Variants in ERI1 observed in about 807,000 individuals in gnomAD.
ERI1 encodes the protein 3'-5' exoribonuclease 1.
Under a neutral mutation model 39.7 loss-of-function variants are expected in ERI1, and 39 were observed. That is an observed-to-expected ratio of 0.98 (90% CI 0.76 to 1.28). The LOEUF (loss-of-function observed/expected upper bound fraction) is 1.28, where lower values mean the gene tolerates loss of function less well. Among genes scored for constraint, ERI1 ranks in the 50% most tolerant of loss-of-function variants. ERI1 has a pLI of 0.00. For missense variants in ERI1, 581 were observed against 416.9 expected (o/e 1.39, Z -3.43); for synonymous variants, 204 against 149.6 (o/e 1.36, Z -2.65).
At chr8:9,070,916 G>A (rs994629794) in intron 3 of ERI1, among the ~76,000 whole-genome samples, 1 of 152,170 alleles carries the variant, frequency 6.6e-6, no homozygotes, top group African/African-American at 2.4e-5. Context: ...GGCCCCAGGT[G>A]GCAGGGTTGG....
intron 4 of ERI1, 63 bp downstream of exon 4, chr8:9,016,468 T>A: frequency 2.0e-6 from 2 of 1,013,108 alleles, no homozygotes; most frequent in South Asian, 3.3e-5. Flanking sequence ...GGATTTATTT[T>A]ATACATAATT....
chr8:9,039,698 G>T (rs976001579), intron 3 of ERI1, among the ~76,000 whole-genome samples: 6 of 152,146 alleles, frequency 3.9e-5, no homozygotes, highest in Non-Finnish European at 8.8e-5. Flanking sequence ...ATTCTTTAGT[G>T]TTAATAATAT....
chr8:9,003,152 C>T lies in ERI1; in HGVS notation c.89C>T (p.Pro30Leu). The T allele has an allele frequency of 8.0e-7, 1 of 1,243,842 alleles. No homozygotes were observed. The highest frequency in any genetic ancestry group is 1.0e-6 in the Non-Finnish European group (1 of 990,968). The allele number at this position is 1,243,842 out of a possible 1,614,324, so 77.1% of individuals were successfully genotyped here. A position where few individuals can be genotyped will look rare whatever the true frequency, so the allele number is the denominator to read the frequency against. ...CCGCGGCCGGAGGGCGGGGAGGAGC[C>T]GCCGCGTCCCAGTCCCGAGGTGAGG... is the stretch of plus-strand genomic sequence containing the variant. ...ESPRPEGGEE[P>L]PRPSPEETQQ... Residue 30 changes from proline to leucine, a missense_variant, in exon 1 of 7, where the codon CCG (proline) becomes CTG (leucine). Physicochemically the swap from Pro to Leu is moderately conservative, Grantham distance 98. Coordinates refer to ENST00000250263, the MANE Select transcript of ERI1 (RefSeq NM_153332.4).
intron 3 of ERI1, among the ~76,000 whole-genome samples, chr8:9,081,985 A>C (rs1166323121): frequency 6.6e-6 from 1 of 152,184 alleles, no homozygotes; most frequent in African/African-American, 2.4e-5. Flanking sequence ...TTCTGCCTTC[A>C]TCTTAGTCCA....
intron 3 of ERI1, among the ~76,000 whole-genome samples, chr8:9,087,874 G>T (rs1426984286): frequency 1.3e-5 from 2 of 152,170 alleles, no homozygotes; most frequent in Non-Finnish European, 2.9e-5. Context: ...GGGTGGGATG[G>T]TCAATCACAC....
chr8:9,078,761 G>C (rs1345364199), intron 3 of ERI1, among the ~76,000 whole-genome samples: 2 of 152,130 alleles, frequency 1.3e-5, no homozygotes, highest in Non-Finnish European at 2.9e-5. Context: ...AAGCCTTCCA[G>C]GTATCTGCTG....
chr8:9,087,331 C>T (rs866289625), intron 3 of ERI1, among the ~76,000 whole-genome samples: 26 of 151,650 alleles, frequency 1.7e-4, no homozygotes, highest in East Asian at 1.4e-3. Context: ...CTGCAATCTC[C>T]GCCTCCCGGG....
At position 9,030,333 on chromosome 8, in the gene ERI1, A is replaced by G; in HGVS notation, c.*299A>G. 3.2e-6 allele frequency: 1 copy of G among 308,394 alleles called. No individual in the cohort carries two copies. Among genetic ancestry groups the G allele is most frequent in the Non-Finnish European group, 6.2e-6 (1 of 162,012 alleles). 19.1% of individuals were successfully genotyped at this position (308,394 alleles called of 1,614,324 possible). A position where few individuals can be genotyped will look rare whatever the true frequency, so the allele number is the denominator to read the frequency against. ...ATATTCTTTTTGGTTTTAAAATGCA[A>G]AATCTTATTGGCTGTTCTGTTGAAT... On this transcript the variant is annotated 3_prime_UTR_variant, in exon 7 of 7. Transcript: ENST00000250263.
intron 1 of ERI1, chr8:9,004,206 C>T (rs1815705245): frequency 4.7e-6 from 6 of 1,283,366 alleles, no homozygotes; most frequent in Non-Finnish European, 6.1e-6. Flanking sequence ...GTTGTTATTT[C>T]AAAGAGTACT....
chr8:9,031,065 A>T lies in ERI1; in HGVS notation c.*1031A>T, dbSNP rs948598353. The T allele has an allele frequency of 6.6e-6, 1 of 152,174 alleles. No homozygotes were observed. Among genetic ancestry groups the T allele is most frequent in the Non-Finnish European group, 1.5e-5 (1 of 68,016 alleles). 9.4% of individuals were successfully genotyped at this position (152,174 alleles called of 1,614,324 possible). A position where few individuals can be genotyped will look rare whatever the true frequency, so the allele number is the denominator to read the frequency against. ...ATGTGCATTTCGACTTGATAAGGTA[A>T]AACTCTTATCTAGAGGCTAAACCCA... On this transcript the variant is annotated 3_prime_UTR_variant, in exon 7 of 7. Coordinates refer to ENST00000250263, the MANE Select transcript of ERI1 (RefSeq NM_153332.4).
intron 3 of ERI1, among the ~76,000 whole-genome samples, chr8:9,016,113 C>A (rs897029681): frequency 4.8e-4 from 73 of 152,086 alleles, no homozygotes; most frequent in Middle Eastern, 3.4e-3. Flanking sequence ...CTCACTTTAT[C>A]GTAAAATATT....
chr8:9,036,384 C>T (rs1014520806), downstream of ERI1, among the ~76,000 whole-genome samples: 6 of 152,170 alleles, frequency 3.9e-5, no homozygotes, highest in African/African-American at 1.4e-4. Context: ...ACTCAGTAGC[C>T]CTCAACGTTT....
chr8:9,087,832 AT>A (rs1799579648), intron 3 of ERI1, among the ~76,000 whole-genome samples: 1 of 152,158 alleles, frequency 6.6e-6, no homozygotes, highest in Admixed American at 6.5e-5. Flanking sequence ...GGGACAACAC[AT>A]TAAGGACCCC....
intron 4 of ERI1, among the ~76,000 whole-genome samples, chr8:9,017,338 T>C (rs1039657005): frequency 1.3e-5 from 2 of 152,270 alleles, no homozygotes; most frequent in African/African-American, 4.8e-5. Context: ...ACACCTAGCC[T>C]GTTTCATGAA....
Position 9,002,898 on chromosome 8 carries a change from C to T in ERI1, c.-166C>T, listed in dbSNP as rs567170601. On this transcript the variant is annotated 5_prime_UTR_variant, in exon 1 of 7. Transcript: ENST00000250263. The stretch of plus-strand genomic sequence containing the variant: ...GCGCCTGCCCGGCGTGTGGACGCCA[C>T]ACGCTCCCGGAAGTGGGAGGTGGCC... The T allele has an allele frequency of 4.0e-4, 177 of 443,966 alleles. 1 individual carries two copies. The highest frequency in any genetic ancestry group is 3.2e-3 in the African/African-American group (159 of 49,552). 27.5% of individuals were successfully genotyped at this position (443,966 alleles called of 1,614,324 possible).
intron 3 of ERI1, among the ~76,000 whole-genome samples, chr8:9,056,669 T>G (rs1053750679): frequency 6.6e-6 from 1 of 152,354 alleles, no homozygotes; most frequent in Non-Finnish European, 1.5e-5. Flanking sequence ...TTCGTTCCTT[T>G]GCCAGCACTA....
rs1797694098 is a variant in ERI1, at chr8:9,032,941, G to A, written c.*2907G>A. The A allele has an allele frequency of 6.6e-6, 1 of 152,218 alleles. No individual in the cohort carries two copies. The highest frequency in any genetic ancestry group is 1.5e-5 in the Non-Finnish European group (1 of 68,042). 9.4% of individuals were successfully genotyped at this position (152,218 alleles called of 1,614,324 possible). A position where few individuals can be genotyped will look rare whatever the true frequency, so the allele number is the denominator to read the frequency against. ...TCCATTTCTAAGCTACCATGGAGAA[G>A]TATATGCTCCTCGAGACCAGAGACT... On this transcript the variant is annotated 3_prime_UTR_variant, in exon 7 of 7. Coordinates refer to ENST00000250263, the MANE Select transcript of ERI1 (RefSeq NM_153332.4).
chr8:9,041,139 C>G (rs936346634), intron 3 of ERI1, among the ~76,000 whole-genome samples: 1 of 152,220 alleles, frequency 6.6e-6, no homozygotes, highest in African/African-American at 2.4e-5. Context: ...ATGAGCATGA[C>G]TTTTGTTCAT....
intron 3 of ERI1, among the ~76,000 whole-genome samples, chr8:9,012,720 C>G (rs944313074): frequency 6.6e-6 from 1 of 152,166 alleles, no homozygotes; most frequent in African/African-American, 2.4e-5. Context: ...TGATTTATTG[C>G]TTTTGTCTAT....
Sources: gnomAD v4.1 joint callset for allele counts (sites outside exome capture counted in the v4.1 genomes callset) on GRCh38, gnomAD v4.1.1 for gene constraint, MANE v1.5 for transcripts, NCBI Gene and HGNC (gene_info 2026-07-23, HGNC 2026-07-21) for gene names.